KHDRBS2: variants seen among roughly 807,000 people sequenced by gnomAD.
The protein encoded by KHDRBS2 is KH RNA binding domain containing, signal transduction associated 2, also known as KH domain-containing, RNA-binding, signal transduction-associated protein 2.
In KHDRBS2, 26 loss-of-function variants were observed where a neutral mutation model predicts 44.3. The ratio of observed to expected loss-of-function variants is 0.59; its 90% CI spans 0.43 to 0.81. The LOEUF (loss-of-function observed/expected upper bound fraction) is 0.81. KHDRBS2 is among the 40% of genes least tolerant of loss of function. The pLI is 0.00. For synonymous variants in KHDRBS2, 194 were observed against 151.1 expected (o/e 1.28, Z -2.08); for missense variants, 476 against 433.1 (o/e 1.10, Z -0.88).
the KHDRBS2 span, among the ~76,000 whole-genome samples, chr6:61,563,792 C>A: frequency 0.024 from 3,715 of 152,072 alleles, 71 homozygotes; most frequent in Middle Eastern, 0.085. Context: ...TATACAGCGA[C>A]GTTAGAGCCT....
intron 3 of KHDRBS2, among the ~76,000 whole-genome samples, chr6:62,011,770 T>C (rs1327531380): frequency 6.6e-6 from 1 of 152,190 alleles, no homozygotes; most frequent in Non-Finnish European, 1.5e-5. Context: ...TCTTGACACA[T>C]ACTAAGTGCT....
chr6:62,119,625 G>T (rs754184387), intron 2 of KHDRBS2, among the ~76,000 whole-genome samples: 2 of 152,168 alleles, frequency 1.3e-5, no homozygotes, highest in Non-Finnish European at 2.9e-5. Context: ...GGAAATGTGG[G>T]AGGACCCTGA....
the KHDRBS2 span, among the ~76,000 whole-genome samples, chr6:61,620,889 G>A: frequency 6.6e-6 from 1 of 152,106 alleles, no homozygotes; most frequent in Non-Finnish European, 1.5e-5. Context: ...TTCCTTCCTT[G>A]CCTCACTCCA....
At chr6:61,662,586 G>A in the KHDRBS2 span, among the ~76,000 whole-genome samples, 1 of 152,070 alleles carries the variant, frequency 6.6e-6, no homozygotes, top group African/African-American at 2.4e-5. Flanking sequence ...ACAAGTGGGT[G>A]AAGGATATGA....
intron 2 of KHDRBS2, among the ~76,000 whole-genome samples, chr6:62,101,879 C>A (rs1315759809): frequency 2.0e-5 from 3 of 152,130 alleles, no homozygotes; most frequent in Non-Finnish European, 4.4e-5. Context: ...TTCAAAAATT[C>A]AAAGAAACAA....
At chr6:61,861,621 G>A (rs79163702) in intron 6 of KHDRBS2, among the ~76,000 whole-genome samples, 10,101 of 149,518 alleles carry the variant, frequency 0.068, 400 homozygotes, top group Middle Eastern at 0.13. Context: ...ACTTGTAGCC[G>A]TGTAATATAA....
At chr6:61,674,289 T>G in the KHDRBS2 span, among the ~76,000 whole-genome samples, 1 of 151,774 alleles carries the variant, frequency 6.6e-6, no homozygotes, top group Non-Finnish European at 1.5e-5. Flanking sequence ...TTCTTCATAT[T>G]GCTGCAGAAC....
At chr6:61,717,917 G>A (rs373601369) in intron 7 of KHDRBS2, among the ~76,000 whole-genome samples, 8 of 152,038 alleles carry the variant, frequency 5.3e-5, no homozygotes, top group African/African-American at 1.9e-4. Flanking sequence ...AGGTTTTCAG[G>A]TAGTAGTATC....
At chr6:62,074,318 A>G (rs1795902412) in intron 2 of KHDRBS2, among the ~76,000 whole-genome samples, 1 of 151,918 alleles carries the variant, frequency 6.6e-6, no homozygotes, top group South Asian at 2.1e-4. Context: ...GAACACAGAG[A>G]TCCTGCACCC....
the KHDRBS2 span, among the ~76,000 whole-genome samples, chr6:61,628,909 G>T: frequency 6.6e-6 from 1 of 152,136 alleles, no homozygotes; most frequent in East Asian, 1.9e-4. Context: ...TGTAATAGAT[G>T]CATACGTTTT....
At position 61,964,524 on chromosome 6, in the gene KHDRBS2, C is replaced by T. The variant is rs957759441; in HGVS notation, c.483+13542G>A. ...GATGTCCACTAGTGTATTTACACAT[C>T]GAATTTTTAATTTATGAAAGCAAAT... On this transcript the variant is annotated intron_variant, in intron 4 of 8. Coordinates refer to ENST00000281156, the MANE Select transcript of KHDRBS2 (RefSeq NM_152688.4). Among the ~76,000 whole-genome samples, 16 of 151,988 alleles carry T rather than the reference C, an allele frequency of 1.1e-4. 2 individuals carry two copies. Among genetic ancestry groups the T allele is most frequent in the Admixed American group, 8.5e-4 (13 of 15,234 alleles).
At chr6:61,608,330 ATATGTGTG>A in the KHDRBS2 span, among the ~76,000 whole-genome samples, 1 of 49,176 alleles carries the variant, frequency 2.0e-5, no homozygotes, top group African/African-American at 6.2e-5. Flanking sequence ...ATATATATAC[ATATGTGTG>A]TGTGTGTGTG....
At chr6:61,556,238 G>A in the KHDRBS2 span, among the ~76,000 whole-genome samples, 92 of 152,316 alleles carry the variant, frequency 6.0e-4, no homozygotes, top group Middle Eastern at 6.8e-3. Flanking sequence ...TAGCAGCATC[G>A]GGCAGGGGGC....
chr6:62,044,152 T>C (rs78431234), intron 3 of KHDRBS2, among the ~76,000 whole-genome samples: 2 of 152,128 alleles, frequency 1.3e-5, no homozygotes, highest in Non-Finnish European at 2.9e-5. Context: ...ATACTTTGTA[T>C]GTCTTATGTC....
At chr6:61,830,218 A>T (rs1791575864) in intron 6 of KHDRBS2, among the ~76,000 whole-genome samples, 1 of 152,166 alleles carries the variant, frequency 6.6e-6, no homozygotes, top group Admixed American at 6.5e-5. Context: ...TTCTCAGGGT[A>T]AAGGAATGTG....
chr6:61,564,005 A>T, the KHDRBS2 span, among the ~76,000 whole-genome samples: 1 of 152,136 alleles, frequency 6.6e-6, no homozygotes, highest in African/African-American at 2.4e-5. Context: ...TTCATGTAAT[A>T]CTCATCATAT....
chr6:61,907,824 C>T (rs1805302337), intron 4 of KHDRBS2, among the ~76,000 whole-genome samples: 1 of 152,170 alleles, frequency 6.6e-6, no homozygotes, highest in African/African-American at 2.4e-5. Flanking sequence ...TTCATTAGTA[C>T]AGGAGTCTAG....
chr6:62,037,258 G>T (rs1469660913), intron 3 of KHDRBS2, among the ~76,000 whole-genome samples: 1 of 151,772 alleles, frequency 6.6e-6, no homozygotes, highest in East Asian at 1.9e-4. Flanking sequence ...TTAATGGCTT[G>T]CCATCTTATA....
At chr6:62,208,638 T>C (rs1462978315) in intron 1 of KHDRBS2, among the ~76,000 whole-genome samples, 3 of 152,140 alleles carry the variant, frequency 2.0e-5, no homozygotes, top group Non-Finnish European at 4.4e-5. Context: ...CTATTTTTAA[T>C]TTATTTAAAA....
Sources: gnomAD v4.1 joint callset for allele counts (sites outside exome capture counted in the v4.1 genomes callset) on GRCh38, gnomAD v4.1.1 for gene constraint, MANE v1.5 for transcripts, NCBI Gene and HGNC (gene_info 2026-07-23, HGNC 2026-07-21) for gene names.